CFAP61: variants seen among roughly 807,000 people sequenced by gnomAD.
CFAP61 encodes the protein cilia- and flagella-associated protein 61.
Under a neutral mutation model 135.6 loss-of-function variants are expected in CFAP61, and 107 were observed. The observed-to-expected ratio is 0.79, with a 90% confidence interval of 0.67 to 0.93. The LOEUF is 0.93. CFAP61 is among the 40% of genes least tolerant of loss of function. CFAP61 has a pLI of 0.00. For synonymous variants in CFAP61, 575 were observed against 578.5 expected (o/e 0.99, Z 0.09); for missense variants, 1,507 against 1,556.2 (o/e 0.97, Z 0.53).
intron 20 of CFAP61, among the ~76,000 whole-genome samples, chr20:20,260,945 G>A (rs997117626): frequency 3.9e-5 from 6 of 152,172 alleles, no homozygotes; most frequent in African/African-American, 1.4e-4. Context: ...TTTCGCCAAA[G>A]CCTTCAGTGG....
At chr20:20,054,012 T>G (rs1218020652) in intron 1 of CFAP61, among the ~76,000 whole-genome samples, 1 of 147,454 alleles carries the variant, frequency 6.8e-6, no homozygotes, top group Non-Finnish European at 1.5e-5. Flanking sequence ...TTTTTTTGTT[T>G]GTTTTTTTTT....
chr20:20,074,070 C>T, intron 3 of CFAP61: 1 of 556,288 alleles, frequency 1.8e-6, no homozygotes, highest in Non-Finnish European at 3.2e-6. Context: ...GACTCATTTA[C>T]AGTCCCTGTT....
At chr20:20,130,450 G>A (rs1269983573) in intron 8 of CFAP61, among the ~76,000 whole-genome samples, 2 of 151,854 alleles carry the variant, frequency 1.3e-5, no homozygotes, top group Non-Finnish European at 2.9e-5. Context: ...TTCTTGTGGT[G>A]TGTGTTTATG....
At chr20:20,110,413 A>G (rs955856680) in intron 8 of CFAP61, among the ~76,000 whole-genome samples, 1 of 152,202 alleles carries the variant, frequency 6.6e-6, no homozygotes, top group African/African-American at 2.4e-5. Context: ...AGAGAAGACT[A>G]GGGCTACAAG....
At chr20:20,067,175 A>G (rs1462571604) in intron 2 of CFAP61, among the ~76,000 whole-genome samples, 1 of 152,052 alleles carries the variant, frequency 6.6e-6, no homozygotes, top group Non-Finnish European at 1.5e-5. Context: ...TGCTCTAATG[A>G]AAAGAGCTCT....
At chr20:20,332,846 C>T (rs550242083) in intron 25 of CFAP61, among the ~76,000 whole-genome samples, 1 of 152,140 alleles carries the variant, frequency 6.6e-6, no homozygotes, top group African/African-American at 2.4e-5. Flanking sequence ...GTCTCAAGCT[C>T]CTGTCCTCAA....
chr20:20,077,565 G>A (rs1213382100), intron 6 of CFAP61, among the ~76,000 whole-genome samples: 1 of 152,188 alleles, frequency 6.6e-6, no homozygotes, highest in Non-Finnish European at 1.5e-5. Flanking sequence ...GCCCCAGGAG[G>A]TCCTGAGAAC....
At chr20:20,059,585 T>C (rs2146538638) in intron 2 of CFAP61, among the ~76,000 whole-genome samples, 1 of 151,926 alleles carries the variant, frequency 6.6e-6, no homozygotes, top group Non-Finnish European at 1.5e-5. Flanking sequence ...ACCACTGCGC[T>C]CCAGCCTGGG....
intron 8 of CFAP61, among the ~76,000 whole-genome samples, chr20:20,133,300 G>T (rs2050681553): frequency 6.6e-6 from 1 of 152,180 alleles, no homozygotes; most frequent in South Asian, 2.1e-4. Flanking sequence ...GCTGATCTTG[G>T]CTGAGTCTAC....
In CFAP61 at chr20:20,237,314, G is replaced by A. The variant is rs562742938; in HGVS notation, c.2061-8803G>A. The stretch of plus-strand genomic sequence containing the variant: ...CACACCCAGACTCAGGGTACCTTAC[G>A]AGACTTGCTCCTTGCCCCGTTTCTC... On this transcript the variant is annotated intron_variant, in intron 18 of 26. Transcript: ENST00000245957. Among the ~76,000 whole-genome samples, 6 of 152,250 alleles carry A rather than the reference G, an allele frequency of 3.9e-5. No homozygotes were observed. The East Asian group carries it at 1.2e-3, about 29-fold the overall frequency.
At chr20:20,339,152 CCTG>C (rs1227545493) in intron 25 of CFAP61, among the ~76,000 whole-genome samples, 1 of 152,194 alleles carries the variant, frequency 6.6e-6, no homozygotes, top group African/African-American at 2.4e-5. Context: ...GGCCCTCTCT[CCTG>C]AAGATTTCTA....
At chr20:20,245,992 A>T in intron 18 of CFAP61, 125 bp from the exon 19 acceptor site, 1 of 648,120 alleles carries the variant, frequency 1.5e-6, no homozygotes, top group Non-Finnish European at 2.7e-6. Context: ...CGTGCAAAGA[A>T]TTAGTAGCTC....
intron 8 of CFAP61, among the ~76,000 whole-genome samples, chr20:20,136,725 T>C (rs1206905086): frequency 6.6e-6 from 1 of 152,270 alleles, no homozygotes; most frequent in Non-Finnish European, 1.5e-5. Context: ...TCTCTGTCTC[T>C]CTGGGATTGG....
At chr20:20,285,616 A>T (rs1115628) in intron 22 of CFAP61, among the ~76,000 whole-genome samples, 118,753 of 151,514 alleles carry the variant, frequency 0.78, 46,832 homozygotes, top group Middle Eastern at 0.87. Flanking sequence ...TCACCCTTTT[A>T]TAAAAAACCT....
chr20:20,142,930 T>C lies in CFAP61; in HGVS notation c.933T>C (p.Asp311=). ...AGTTGCAGGAACCTGTCTCTCCAGA[T>C]ACCATGGAAAACATCCAGGTGAGAG... ...VEELQEPVSP[D]TMENIQGNIA... is the part of the protein sequence containing the mutation. The change falls in exon 9 of 27, where the codon GAT becomes GAC. Residue 311 remains aspartate, a synonymous_variant. Coordinates refer to ENST00000245957, the MANE Select transcript of CFAP61 (RefSeq NM_015585.4). The C allele has an allele frequency of 6.3e-7, 1 of 1,592,734 alleles. No homozygotes were observed.
chr20:20,350,447 G>A (rs1402274956), intron 26 of CFAP61, among the ~76,000 whole-genome samples: 4 of 152,178 alleles, frequency 2.6e-5, no homozygotes, highest in Non-Finnish European at 5.9e-5. Context: ...TGGCCAACGT[G>A]GTGAAACCAC....
intron 18 of CFAP61, among the ~76,000 whole-genome samples, chr20:20,235,561 C>CA (rs1279112656): frequency 1.3e-5 from 2 of 152,088 alleles, no homozygotes; most frequent in Admixed American, 6.5e-5. Flanking sequence ...GCCTCACTCC[C>CA]AAAAAAGCAA....
In CFAP61 at chr20:20,239,709, G is replaced by C. The variant is rs191043982; in HGVS notation, c.2061-6408G>C. On this transcript the variant is annotated intron_variant, in intron 18 of 26. Coordinates refer to ENST00000245957, the MANE Select transcript of CFAP61 (RefSeq NM_015585.4). ...CTGAGGCAGTCCGACTTCTGAGACC[G>C]GGATCTTAATGAGTCTGATCTGCAG... is the stretch of plus-strand genomic sequence containing the variant. 2.3e-3 allele frequency among the ~76,000 whole-genome samples: 355 copies of C among 152,222 alleles called. 1 individual carries two copies. Among genetic ancestry groups the C allele is most frequent in the African/African-American group, 8.1e-3 (338 of 41,540 alleles).
At chr20:20,252,125 T>C (rs2050972034) in intron 20 of CFAP61, among the ~76,000 whole-genome samples, 1 of 152,228 alleles carries the variant, frequency 6.6e-6, no homozygotes, top group East Asian at 1.9e-4. Context: ...CTCAAGAGGC[T>C]AACATTTGGC....
Sources: allele counts gnomAD v4.1 joint callset (sites outside exome capture counted in the v4.1 genomes callset), GRCh38; gene constraint gnomAD v4.1.1; transcripts MANE v1.5; gene names NCBI Gene and HGNC (gene_info 2026-07-23, HGNC 2026-07-21).